The following FLRT3 variants were observed in gnomAD, a reference collection of about 807,000 sequenced individuals.
FLRT3 encodes leucine-rich repeat transmembrane protein FLRT3.
In FLRT3, 17 loss-of-function variants were observed where a neutral mutation model predicts 42.6. The ratio of observed to expected loss-of-function variants is 0.40; its 90% CI spans 0.27 to 0.60. The LOEUF is 0.60. FLRT3 is among the 20% of genes least tolerant of loss of function. The pLI is 0.44. For synonymous variants in FLRT3, 279 were observed against 286.4 expected, an observed-to-expected ratio of 0.97 and a Z score of 0.26; for missense variants, 635 against 789.2, an observed-to-expected ratio of 0.80 and a Z score of 2.34.
intron 1 of FLRT3, among the ~76,000 whole-genome samples, chr20:14,333,347 A>C (rs1392183184): frequency 6.6e-6 from 1 of 152,188 alleles, no homozygotes; most frequent in Non-Finnish European, 1.5e-5. Context: ...TTTGACTTGT[A>C]AAGTTAAATC....
At position 14,326,511 on chromosome 20, in the gene FLRT3, G is replaced by A. The variant is rs766443058; in HGVS notation, c.996C>T (p.Leu332=). The A allele has an allele frequency of 1.9e-6, 3 of 1,613,880 alleles. No individual in the cohort carries two copies. In the South Asian group the frequency reaches 3.3e-5, roughly 18 times the overall value. The change falls in exon 3 of 3, where the codon CTC becomes CTT. Residue 332 remains leucine (L), a synonymous_variant. Transcript: ENST00000341420. This position sits in a 1 kb window ranked among gnomAD's most constrained non-coding sequence, Gnocchi z 5.5. Reference sequence around the variant, plus strand: ...GAACCTTTTCTGGGGCTTGGCACATGAGCCCACGCACGTTGACCTTCACAG... The same window carrying A: ...GAACCTTTTCTGGGGCTTGGCACATAAGCCCACGCACGTTGACCTTCACAG... ...SLPVKVNVRG[L]MCQAPEKVRG...
rs763859444 is a variant in FLRT3 at position 14,326,004 on chromosome 20, A to C, written c.1503T>G (p.Thr501=). 8 of 1,613,790 alleles carry C rather than the reference A, an allele frequency of 5.0e-6. No individual in the cohort carries two copies. The highest frequency in any genetic ancestry group is 6.8e-6 in the Non-Finnish European group (8 of 1,179,866). The change falls in exon 3 of 3, where the codon ACT becomes ACG. Residue 501 remains threonine (T), a synonymous_variant. Coordinates refer to ENST00000341420, the MANE Select transcript of FLRT3 (RefSeq NM_198391.3). The surrounding 1 kb of genome is among the most constrained non-coding windows in gnomAD (Gnocchi z 5.5). ...DETPVCIETE[T]APLRMYNPTT... Reference sequence around the variant, plus strand: ...TAGGGTTGTACATTCGAAGGGGTGCAGTTTCAGTCTCAATACAAACAGGAG... The same window carrying C: ...TAGGGTTGTACATTCGAAGGGGTGCCGTTTCAGTCTCAATACAAACAGGAG...
intron 2 of FLRT3, among the ~76,000 whole-genome samples, chr20:14,328,288 C>T (rs762806715): frequency 2.0e-5 from 3 of 152,098 alleles, no homozygotes; most frequent in Non-Finnish European, 4.4e-5. Context: ...TGGAAAATTT[C>T]ACTTCATATT....
intron 2 of FLRT3, among the ~76,000 whole-genome samples, chr20:14,327,951 A>G (rs2082765391): frequency 6.6e-6 from 1 of 152,058 alleles, no homozygotes; most frequent in Admixed American, 6.6e-5. Context: ...TTGGAATATT[A>G]TTTCTTATAT....
chr20:14,337,271 A>G (rs1042749337), intron 1 of FLRT3, 133 bp downstream of exon 1: 2 of 248,218 alleles, frequency 8.1e-6, no homozygotes, highest in African/African-American at 2.2e-5. Flanking sequence ...GCACGCACAT[A>G]TATTGCTTGT....
intron 1 of FLRT3, among the ~76,000 whole-genome samples, chr20:14,334,159 T>C (rs1379410690): frequency 6.6e-5 from 10 of 152,248 alleles, no homozygotes; most frequent in Non-Finnish European, 1.5e-4. Context: ...CTACTTAAAA[T>C]CTGTTTTCTC....
chr20:14,325,457 G>T lies in FLRT3; in HGVS notation c.*100C>A. 7.0e-6 allele frequency: 9 copies of T among 1,277,574 alleles called. No individual in the cohort carries two copies. The highest frequency in any genetic ancestry group is 4.5e-5 in the African/African-American group (3 of 66,944). The allele number at this position is 1,277,574 out of a possible 1,614,324, so 79.1% of individuals were successfully genotyped here. Reference sequence around the variant, plus strand: ...ATGTACAGTACATTGCTTTTTTTCAGTCTCTTTTTCCAGTGTTTTGCAGTA... The same window carrying T: ...ATGTACAGTACATTGCTTTTTTTCATTCTCTTTTTCCAGTGTTTTGCAGTA... On this transcript the variant is annotated 3_prime_UTR_variant, in exon 3 of 3. Transcript: ENST00000341420.
chr20:14,327,417 G>T lies in FLRT3; in HGVS notation c.90C>A (p.Ser30=), dbSNP rs763623092. The T allele has an allele frequency of 1.5e-4, 244 of 1,613,520 alleles. No homozygotes were observed. Among genetic ancestry groups the T allele is most frequent in the Non-Finnish European group, 2.0e-4 (232 of 1,179,694 alleles). The change falls in exon 3 of 3, where the codon TCC becomes TCA. Residue 30 remains serine, a synonymous_variant. Coordinates refer to ENST00000341420, the MANE Select transcript of FLRT3 (RefSeq NM_198391.3). ...CATCGCAGCGACACACAGATGGACAGGATTTAGCCATAACTGATAGAGGTG... is the reference window on the plus strand; with the variant it reads ...CATCGCAGCGACACACAGATGGACATGATTTAGCCATAACTGATAGAGGTG... ...QVAPLSVMAK[S]CPSVCRCDAG...
chr20:14,336,208 TAATAA>T (rs1352571755), intron 1 of FLRT3, among the ~76,000 whole-genome samples: 1 of 152,148 alleles, frequency 6.6e-6, no homozygotes, highest in African/African-American at 2.4e-5. Flanking sequence ...TGTTTCTGGA[TAATAA>T]AATAACATAG....
intron 1 of FLRT3, among the ~76,000 whole-genome samples, chr20:14,334,005 C>T (rs1201025962): frequency 6.6e-6 from 1 of 152,318 alleles, no homozygotes. Flanking sequence ...AGAGCAATTT[C>T]TCCCTCCTTT....
At chr20:14,335,426 G>A (rs1035721000) in intron 1 of FLRT3, among the ~76,000 whole-genome samples, 3 of 152,180 alleles carry the variant, frequency 2.0e-5, no homozygotes, top group Non-Finnish European at 4.4e-5. Context: ...AAAAAGTTTT[G>A]ATAGAATTGT....
At chr20:14,334,011 C>G (rs894897806) in intron 1 of FLRT3, among the ~76,000 whole-genome samples, 1 of 152,198 alleles carries the variant, frequency 6.6e-6, no homozygotes, top group East Asian at 1.9e-4. Context: ...ATTTCTCCCT[C>G]CTTTGATTTA....
At chr20:14,327,800 A>G (rs1314977612) in intron 2 of FLRT3, among the ~76,000 whole-genome samples, 1 of 152,070 alleles carries the variant, frequency 6.6e-6, no homozygotes, top group African/African-American at 2.4e-5. Context: ...AATCCATTTG[A>G]TTTTGAAATA....
At position 14,325,750 on chromosome 20, in the gene FLRT3, A is replaced by T; in HGVS notation, c.1757T>A (p.Ile586Asn). The change falls in exon 3 of 3, where the codon ATC (isoleucine) becomes AAC (asparagine). Residue 586 changes from isoleucine (I) to asparagine (N), a missense_variant. Coordinates refer to ENST00000341420, the MANE Select transcript of FLRT3 (RefSeq NM_198391.3). ...AEAGTKKDNS[I>N]LEIRETSFQM... is the part of the protein sequence containing the mutation. ...AAAAGAAGTTTCCCTGATTTCCAGG[A>T]TAGAGTTGTCCTTCTTAGTGCCAGC... 2 of 1,613,888 alleles carry T rather than the reference A, an allele frequency of 1.2e-6. No individual in the cohort carries two copies. The highest frequency in any genetic ancestry group is 4.5e-5 in the East Asian group (2 of 44,860).
chr20:14,337,518 A>C lies in FLRT3; in HGVS notation c.-361T>G. The C allele has an allele frequency of 2.5e-6, 1 of 398,680 alleles. No individual in the cohort carries two copies. The highest frequency in any genetic ancestry group is 4.4e-6 in the Non-Finnish European group (1 of 226,196). The allele number at this position is 398,680 out of a possible 1,614,324, so 24.7% of individuals were successfully genotyped here. A position where few individuals can be genotyped will look rare whatever the true frequency, so the allele number is the denominator to read the frequency against. On this transcript the variant is annotated 5_prime_UTR_variant, in exon 1 of 3. Transcript: ENST00000341420. ...CTCCCAAGCTCTGCGTCCAGTCCAC[A>C]CAAAGCCCACGGCAGCTGCAGGCTG...
At position 14,326,734 on chromosome 20, in the gene FLRT3, T is replaced by C. The variant is rs1212300807; in HGVS notation, c.773A>G (p.His258Arg). The C allele has an allele frequency of 6.2e-7, 1 of 1,613,800 alleles. No individual in the cohort carries two copies. The highest frequency in any genetic ancestry group is 1.7e-5 in the Admixed American group (1 of 59,966). Residue 258 changes from histidine (H) to arginine (R), a missense_variant, in exon 3 of 3, where the codon CAC becomes CGC. Transcript: ENST00000341420. The surrounding 1 kb of genome is among the most constrained non-coding windows in gnomAD (Gnocchi z 5.5). ...AGCATTTGGGGGCACCCGATTGATG[T>C]GGTTATCTTGAAGATAAAGCTTCCT... is the stretch of plus-strand genomic sequence containing the variant. ...NLRKLYLQDN[H>R]INRVPPNAFS...
chr20:14,325,984 T>C lies in FLRT3; in HGVS notation c.1523A>G (p.Asn508Ser). Residue 508 changes from asparagine to serine, a missense_variant, in exon 3 of 3, where the codon AAC (asparagine) becomes AGC (serine). Coordinates refer to ENST00000341420, the MANE Select transcript of FLRT3 (RefSeq NM_198391.3). ...CTCTCGATTGAGGGTGGTTGTAGGG[T>C]TGTACATTCGAAGGGGTGCAGTTTC... Reference protein sequence around the residue: ...ETETAPLRMYNPTTTLNREQE... With the variant: ...ETETAPLRMYSPTTTLNREQE... 6.2e-6 allele frequency: 10 copies of C among 1,613,838 alleles called. No individual in the cohort carries two copies. The highest frequency in any genetic ancestry group is 8.5e-6 in the Non-Finnish European group (10 of 1,179,874).
chr20:14,335,254 G>A (rs528843758), intron 1 of FLRT3, among the ~76,000 whole-genome samples: 1 of 152,172 alleles, frequency 6.6e-6, no homozygotes, highest in Admixed American at 6.6e-5. Context: ...AGGGTCTTGT[G>A]TCCCTAGGCA....
In FLRT3 at chr20:14,324,079, T is replaced by A. The variant is rs891104079; in HGVS notation, c.*1478A>T. On this transcript the variant is annotated 3_prime_UTR_variant, in exon 3 of 3. Coordinates refer to ENST00000341420, the MANE Select transcript of FLRT3 (RefSeq NM_198391.3). Reference sequence around the variant, plus strand: ...GTTTAGGACTAATGTGCTGGGCAATTTGCTACTTAGTGATAGTAACACAAT... The same window carrying A: ...GTTTAGGACTAATGTGCTGGGCAATATGCTACTTAGTGATAGTAACACAAT... The A allele has an allele frequency of 1.3e-5, 2 of 152,558 alleles. No homozygotes were observed. Among genetic ancestry groups the A allele is most frequent in the African/African-American group, 4.8e-5 (2 of 41,456 alleles). The allele number at this position is 152,558 out of a possible 1,614,324, so 9.5% of individuals were successfully genotyped here.
Sources: gnomAD v4.1 joint callset for allele counts (sites outside exome capture counted in the v4.1 genomes callset) on GRCh38, gnomAD v4.1.1 for gene constraint, Gnocchi (gnomAD v3.1) non-coding constraint, MANE v1.5 for transcripts, NCBI Gene and HGNC (gene_info 2026-07-23, HGNC 2026-07-21) for gene names.